The following MALRD1 variants were observed in gnomAD, a reference collection of about 807,000 sequenced individuals.
MALRD1 encodes the protein MAM and LDL receptor class A domain containing 1, also known as MAM and LDL-receptor class A domain-containing protein 1.
MALRD1 carries 247 observed loss-of-function variants against 242.1 expected under a neutral mutation model. That is an observed-to-expected ratio of 1.02 (90% confidence interval 0.92 to 1.13). The LOEUF (loss-of-function observed/expected upper bound fraction) is 1.13. MALRD1 is among the 50% of genes most tolerant of loss of function. The pLI is 0.00. For missense variants in MALRD1, 2,989 were observed against 2,533.1 expected (o/e 1.18, Z -3.86); for synonymous variants, 995 against 866.6 (o/e 1.15, Z -2.60).
intron 34 of MALRD1, among the ~76,000 whole-genome samples, chr10:19,603,945 C>T (rs1472803205): frequency 6.6e-6 from 1 of 152,154 alleles, no homozygotes; most frequent in Non-Finnish European, 1.5e-5. Context: ...TTTTCCTCTC[C>T]TTGGGTCTCC....
chr10:19,719,368 C>T (rs935788540), intron 38 of MALRD1, among the ~76,000 whole-genome samples: 1 of 150,504 alleles, frequency 6.6e-6, no homozygotes, highest in African/African-American at 2.5e-5. Flanking sequence ...AGACGGAGCT[C>T]CCATTGGCAG....
At chr10:19,526,369 C>CAT (rs776392530) in intron 31 of MALRD1, among the ~76,000 whole-genome samples, 2,948 of 143,840 alleles carry the variant, frequency 0.02, 44 homozygotes, top group East Asian at 0.05. Flanking sequence ...AAAAAAAATA[C>CAT]ATATATATAT....
At chr10:19,720,537 C>T (rs1368315292) in intron 38 of MALRD1, among the ~76,000 whole-genome samples, 2 of 152,256 alleles carry the variant, frequency 1.3e-5, no homozygotes, top group East Asian at 3.9e-4. Flanking sequence ...TTTCTAGAAT[C>T]TTAAAGTCTA....
intron 29 of MALRD1, among the ~76,000 whole-genome samples, chr10:19,467,678 CCAT>C (rs1414075357): frequency 8.6e-6 from 1 of 116,104 alleles, no homozygotes; most frequent in Non-Finnish European, 1.7e-5. Context: ...AAATAATGTA[CCAT>C]AAGGCTTTTT....
chr10:19,110,225 C>G (rs116794223), intron 5 of MALRD1, among the ~76,000 whole-genome samples: 6 of 152,254 alleles, frequency 3.9e-5, no homozygotes, highest in African/African-American at 1.4e-4. Context: ...TAACATCACT[C>G]CAGTCCGTGC....
chr10:19,494,978 C>CTT (rs199627839), intron 30 of MALRD1, among the ~76,000 whole-genome samples: 193 of 143,824 alleles, frequency 1.3e-3, no homozygotes, highest in African/African-American at 4.5e-3. Flanking sequence ...ATAATCATCA[C>CTT]TTTTTTTTTT....
At chr10:19,147,140 G>A (rs1289791252) in intron 11 of MALRD1, among the ~76,000 whole-genome samples, 4 of 152,138 alleles carry the variant, frequency 2.6e-5, no homozygotes, top group African/African-American at 9.7e-5. Context: ...TTACAAGAGG[G>A]AGCCACCACA....
chr10:19,191,014 G>T (rs1408196032), intron 14 of MALRD1, among the ~76,000 whole-genome samples: 1 of 152,052 alleles, frequency 6.6e-6, no homozygotes, highest in Non-Finnish European at 1.5e-5. Flanking sequence ...AGAGTAAAAA[G>T]GCAACCCCAA....
chr10:19,549,466 C>A (rs983242852), intron 32 of MALRD1, among the ~76,000 whole-genome samples: 3 of 152,132 alleles, frequency 2.0e-5, no homozygotes, highest in Non-Finnish European at 2.9e-5. Context: ...GCAATCACCA[C>A]CCTAATCAGT....
intron 13 of MALRD1, 120 bp downstream of exon 13, chr10:19,165,930 T>C: frequency 1.5e-6 from 1 of 676,712 alleles, no homozygotes. Context: ...ATGAAATTAA[T>C]ACAATGCAAC....
At chr10:19,053,000 C>T (rs1167709983) in intron 1 of MALRD1, among the ~76,000 whole-genome samples, 1 of 152,208 alleles carries the variant, frequency 6.6e-6, no homozygotes, top group Non-Finnish European at 1.5e-5. Context: ...GAAAGAATCT[C>T]TGACCTCCCT....
chr10:19,209,398 T>C lies in MALRD1; in HGVS notation c.2709T>C (p.Thr903=). The C allele has an allele frequency of 1.3e-6, 2 of 1,551,020 alleles. No homozygotes were observed. Among genetic ancestry groups the C allele is most frequent in the East Asian group, 4.9e-5 (2 of 40,904 alleles). ...TLNTGPMKDN[T]LGTAKGHYLY... ...ACACAGGGCCAATGAAAGATAACAC[T>C]CTGGGCACAGCTAAAGGACACTATC... The change falls in exon 18 of 40, where the codon ACT becomes ACC. Residue 903 remains threonine, a synonymous_variant. Transcript: ENST00000454679.
At chr10:19,681,784 A>G (rs555488312) in intron 36 of MALRD1, among the ~76,000 whole-genome samples, 1 of 151,166 alleles carries the variant, frequency 6.6e-6, no homozygotes, top group African/African-American at 2.4e-5. Context: ...ATTCTTTCTC[A>G]TCTTCATGAC....
chr10:19,430,351 G>A (rs1272255075), intron 28 of MALRD1, among the ~76,000 whole-genome samples: 24 of 151,618 alleles, frequency 1.6e-4, no homozygotes, highest in East Asian at 1.9e-4. Flanking sequence ...ATTTGACCTC[G>A]TGATCCACCC....
chr10:19,654,519 T>A (rs1463573761), intron 36 of MALRD1, among the ~76,000 whole-genome samples: 5 of 152,198 alleles, frequency 3.3e-5, no homozygotes, highest in Admixed American at 3.3e-4. Flanking sequence ...TCATATTAAA[T>A]AGTGAAGTTG....
intron 32 of MALRD1, among the ~76,000 whole-genome samples, chr10:19,535,941 A>G (rs1424441738): frequency 6.6e-6 from 1 of 152,206 alleles, no homozygotes; most frequent in Non-Finnish European, 1.5e-5. Context: ...GAAAATACCT[A>G]AGATGAATTT....
intron 28 of MALRD1, among the ~76,000 whole-genome samples, chr10:19,390,633 G>A (rs1345119816): frequency 6.6e-6 from 1 of 152,030 alleles, no homozygotes; most frequent in Non-Finnish European, 1.5e-5. Context: ...AGAATTCCAA[G>A]AAAGCTTACT....
At position 19,734,141 on chromosome 10, in the gene MALRD1, T is replaced by C. The variant is rs1206480369; in HGVS notation, c.6391-16T>C. 6.6e-7 allele frequency: 1 copy of C among 1,524,870 alleles called. No individual in the cohort carries two copies. The highest frequency in any genetic ancestry group is 2.5e-5 in the East Asian group (1 of 40,752). 94.5% of individuals were successfully genotyped at this position (1,524,870 alleles called of 1,614,324 possible). On this transcript the variant is annotated splice_polypyrimidine_tract_variant and intron_variant, in intron 39 of 39. Coordinates refer to ENST00000454679, the MANE Select transcript of MALRD1 (RefSeq NM_001142308.3). ...GCCTAAAATTCCACCCTTTCAAATG[T>C]GTTTTTCTTCGTCAGAGTTCTGTCT...
chr10:19,385,477 A>G (rs1380935558), intron 26 of MALRD1, among the ~76,000 whole-genome samples: 1 of 152,048 alleles, frequency 6.6e-6, no homozygotes, highest in Admixed American at 6.6e-5. Context: ...AGTAGGCTGT[A>G]GGAATTTCTA....
Sources: allele counts gnomAD v4.1 joint callset (sites outside exome capture counted in the v4.1 genomes callset), GRCh38; gene constraint gnomAD v4.1.1; transcripts MANE v1.5; gene names NCBI Gene and HGNC (gene_info 2026-07-23, HGNC 2026-07-21).